Variants in TUT7 observed in about 807,000 individuals in gnomAD.
TUT7 encodes terminal uridylyl transferase 7.
In TUT7, 33 loss-of-function variants were observed where a neutral mutation model predicts 165.9. The observed-to-expected ratio is 0.20, with a 90% CI of 0.15 to 0.27. The LOEUF (loss-of-function observed/expected upper bound fraction) is 0.27. Ranked by LOEUF, TUT7 falls within the 10% of genes least tolerant of loss-of-function variation. TUT7 has a pLI of 1.00. For synonymous variants in TUT7, 552 were observed against 608.1 expected (o/e 0.91, Z 1.36); for missense variants, 1,338 against 1,762.3 (o/e 0.76, Z 4.31).
In TUT7 at chr9:86,335,562, G is replaced by T. The variant is rs779452646; in HGVS notation, c.1455+1857C>A. On this transcript the variant is annotated intron_variant, in intron 10 of 26. Coordinates refer to ENST00000375963, the MANE Select transcript of TUT7 (RefSeq NM_024617.4). ...ACTAAACTTCCTGACAGGGAATTTG[G>T]TCTTGTCCATCTTTGTATTTCAGGC... 2.8e-4 allele frequency among the ~76,000 whole-genome samples: 42 copies of T among 152,288 alleles called. 1 individual carries two copies. The highest frequency in any genetic ancestry group is 4.4e-5 in the Non-Finnish European group (3 of 68,008).
At chr9:86,295,203 T>C (rs1423391978) in intron 26 of TUT7, among the ~76,000 whole-genome samples, 6 of 152,078 alleles carry the variant, frequency 3.9e-5, no homozygotes, top group Admixed American at 3.9e-4. Context: ...GAAAGGGAAA[T>C]GATATATAAT....
intron 12 of TUT7, 37 bp downstream of exon 12, chr9:86,325,297 A>G: frequency 6.3e-7 from 1 of 1,596,240 alleles, no homozygotes; most frequent in South Asian, 1.1e-5. Flanking sequence ...CTTTAAAAAA[A>G]AGAGTGGGGG....
chr9:86,351,693 A>G (rs1832316537), intron 2 of TUT7, among the ~76,000 whole-genome samples: 1 of 152,224 alleles, frequency 6.6e-6, no homozygotes. Context: ...TGAAGAGAAA[A>G]GGCATCGGGT....
chr9:86,331,655 T>C (rs1830325718), intron 10 of TUT7, among the ~76,000 whole-genome samples: 1 of 152,232 alleles, frequency 6.6e-6, no homozygotes, highest in South Asian at 2.1e-4. Flanking sequence ...GCCTCTCTCG[T>C]TTGGTTACAA....
intron 13 of TUT7, 89 bp downstream of exon 13, chr9:86,322,784 G>T (rs1361653978): frequency 3.5e-6 from 5 of 1,418,272 alleles, no homozygotes. Context: ...ACCAAAATAG[G>T]AAAATTCCTA....
intron 2 of TUT7, among the ~76,000 whole-genome samples, chr9:86,348,363 C>T (rs2131608128): frequency 6.6e-6 from 1 of 152,236 alleles, no homozygotes; most frequent in South Asian, 2.1e-4. Context: ...TAATACTGTC[C>T]CCATTGTACA....
chr9:86,339,100 A>G, intron 8 of TUT7, 151 bp from the exon 9 acceptor site: 2 of 629,360 alleles, frequency 3.2e-6, no homozygotes, highest in Non-Finnish European at 4.5e-6. Context: ...CTACATCTTT[A>G]TGAGTAATTT....
rs568358346 is a variant in TUT7 at position 86,316,586 on chromosome 9, C to T, written c.3274+633G>A. ...AACTCCTACACTTTGACTTATACAA[C>T]GCCAACAAAGGAAAAGGATTTATAG... On this transcript the variant is annotated intron_variant, in intron 17 of 26. Coordinates refer to ENST00000375963, the MANE Select transcript of TUT7 (RefSeq NM_024617.4). Among the ~76,000 whole-genome samples, 21 of 152,328 alleles carry T rather than the reference C, an allele frequency of 1.4e-4. 1 individual carries two copies. The highest frequency in any genetic ancestry group is 7.8e-4 in the Admixed American group (12 of 15,304).
chr9:86,323,159 A>G lies in TUT7; in HGVS notation c.2591T>C (p.Ile864Thr), dbSNP rs983028825. ...GCCATCTTCATCTTCCCTTTGGTTAATGGTGAGCCTAGGTTCTTCTTCCTC... is the reference window on the plus strand; with the variant it reads ...GCCATCTTCATCTTCCCTTTGGTTAGTGGTGAGCCTAGGTTCTTCTTCCTC... Reference protein sequence around the residue: ...EEEEEEPRLTINQREDEDGMA... With the variant: ...EEEEEEPRLTTNQREDEDGMA... Residue 864 changes from isoleucine to threonine, a missense_variant, in exon 13 of 27, where the codon ATT becomes ACT. Around this residue, in one of 7 missense-constraint regions of TUT7, gnomAD observed 425 missense variants for 474.9 expected, o/e 0.89. Coordinates refer to ENST00000375963, the MANE Select transcript of TUT7 (RefSeq NM_024617.4). 6.2e-7 allele frequency: 1 copy of G among 1,614,028 alleles called. No homozygotes were observed. Among genetic ancestry groups the G allele is most frequent in the Non-Finnish European group, 8.5e-7 (1 of 1,180,036 alleles).
At chr9:86,333,290 T>C (rs1412404856) in intron 10 of TUT7, among the ~76,000 whole-genome samples, 1 of 152,142 alleles carries the variant, frequency 6.6e-6, no homozygotes, top group Non-Finnish European at 1.5e-5. Flanking sequence ...CTGGCATTAA[T>C]TTTGAAAAAT....
chr9:86,349,573 GA>G lies in TUT7; in HGVS notation c.521-3094del, dbSNP rs201343581. Among the ~76,000 whole-genome samples the G allele has an allele frequency of 8.0e-3, 1,212 of 151,920 alleles. 21 individuals are homozygous for G. Among genetic ancestry groups the G allele is most frequent in the African/African-American group, 0.028 (1,166 of 41,458 alleles). ...AGAAGGTAGTACCGTATGTGGGGGGGAAAAAAGCAACTCCACCATAATTTCC... is the reference window on the plus strand; with the variant it reads ...AGAAGGTAGTACCGTATGTGGGGGGGAAAAAGCAACTCCACCATAATTTCC... On this transcript the variant is annotated intron_variant, in intron 2 of 26. Coordinates refer to ENST00000375963, the MANE Select transcript of TUT7 (RefSeq NM_024617.4).
chr9:86,353,345 AT>A (rs1378367113), intron 1 of TUT7, 115 bp from the exon 2 acceptor site: 6 of 812,416 alleles, frequency 7.4e-6, no homozygotes, highest in Middle Eastern at 3.2e-4. Context: ...GAAACTCCCT[AT>A]TTTTTTAAAA....
chr9:86,323,308 T>C lies in TUT7; in HGVS notation c.2442A>G (p.Gly814=). 1 of 1,614,182 alleles carries C rather than the reference T, an allele frequency of 6.2e-7. No homozygotes were observed. The highest frequency in any genetic ancestry group is 8.5e-7 in the Non-Finnish European group (1 of 1,180,022). The change falls in exon 13 of 27, where the codon GGA becomes GGG. Residue 814 remains glycine (G), a synonymous_variant. Transcript: ENST00000375963. ...GTTCCTCAGTACCTTCTGTACTTTC[T>C]CCATCAAGATCAGCCTTGTTATCTA... ...ATLDNKADLD[G]ESTEGTEELE...
rs188621168 is a variant in TUT7 at position 86,306,731 on chromosome 9, G to A, written c.3839-1492C>T. On this transcript the variant is annotated intron_variant, in intron 22 of 26. Coordinates refer to ENST00000375963, the MANE Select transcript of TUT7 (RefSeq NM_024617.4). ...CTGACAACGGGTGAACCCAGGAAGC[G>A]GAGGGTGCAGTGACCTGAAATCGCA... Among the ~76,000 whole-genome samples the A allele has an allele frequency of 1.8e-4, 28 of 152,140 alleles. No individual in the cohort carries two copies. In the East Asian group the frequency reaches 4.5e-3, roughly 24 times the overall value.
At chr9:86,289,741 T>C (rs933155259) in intron 26 of TUT7, among the ~76,000 whole-genome samples, 15 of 152,032 alleles carry the variant, frequency 9.9e-5, no homozygotes, top group African/African-American at 3.4e-4. Context: ...AAATTCTATA[T>C]CAGGGGTAAT....
chr9:86,318,410 C>T (rs1211097802), intron 16 of TUT7, among the ~76,000 whole-genome samples: 1 of 152,178 alleles, frequency 6.6e-6, no homozygotes, highest in Admixed American at 6.5e-5. Context: ...GGCTGAATTG[C>T]CCAAGGGCCA....
In TUT7 at chr9:86,311,632, A is replaced by ACGGTCTCCCTCAGATGC. The variant is rs1828074143; in HGVS notation, c.3275-824_3275-823insGCATCTGAGGGAGACCG. Among the ~76,000 whole-genome samples the ACGGTCTCCCTCAGATGC allele has an allele frequency of 6.8e-6, 1 of 146,814 alleles. No homozygotes were observed. ...ACGGTCTCCCTCTCCCTCTCTTTCCACGGTCTCCCTCTGATGCCGGTCTCC... is the reference window on the plus strand; with the variant it reads ...ACGGTCTCCCTCTCCCTCTCTTTCCACGGTCTCCCTCAGATGCCGGTCTCCCTCTGATGCCGGTCTCC... On this transcript the variant is annotated intron_variant, in intron 17 of 26. Coordinates refer to ENST00000375963, the MANE Select transcript of TUT7 (RefSeq NM_024617.4). The surrounding 1 kb of genome is among the most constrained non-coding windows in gnomAD (Gnocchi z 4.4).
chr9:86,353,264 A>G, intron 1 of TUT7, 34 bp from the exon 2 acceptor site: 4 of 1,458,138 alleles, frequency 2.7e-6, no homozygotes, highest in Non-Finnish European at 2.7e-6. Context: ...ATATCAAACT[A>G]TATAACAAGA....
intron 6 of TUT7, among the ~76,000 whole-genome samples, chr9:86,342,726 CATAA>C (rs1831422840): frequency 6.6e-6 from 1 of 152,078 alleles, no homozygotes; most frequent in Admixed American, 6.6e-5. Flanking sequence ...GCTTGCAGAT[CATAA>C]ATGTTTAAAT....
Sources: gnomAD v4.1 joint callset for allele counts (sites outside exome capture counted in the v4.1 genomes callset) on GRCh38, gnomAD v4.1.1 for gene constraint, gnomAD v4.1.1 regional missense constraint, Gnocchi (gnomAD v3.1) non-coding constraint, MANE v1.5 for transcripts, NCBI Gene and HGNC (gene_info 2026-07-23, HGNC 2026-07-21) for gene names.